The following ADAMTS2 variants were observed in gnomAD, a reference collection of about 807,000 sequenced individuals.
ADAMTS2 encodes ADAM metallopeptidase with thrombospondin type 1 motif 2.
Under a neutral mutation model 123.0 loss-of-function variants are expected in ADAMTS2, and 50 were observed. The ratio of observed to expected loss-of-function variants is 0.41; its 90% CI spans 0.32 to 0.51. ADAMTS2 has a LOEUF of 0.51. Ranked by LOEUF, ADAMTS2 falls within the 20% of genes least tolerant of loss-of-function variation. ADAMTS2 has a pLI of 0.35. For missense variants in ADAMTS2, 1,494 were observed against 1,705.2 expected, an observed-to-expected ratio of 0.88 and a Z score of 2.18; for synonymous variants, 678 against 695.4, an observed-to-expected ratio of 0.98 and a Z score of 0.39.
intron 4 of ADAMTS2, among the ~76,000 whole-genome samples, chr5:179,195,218 C>T (rs1459523847): frequency 2.6e-5 from 4 of 152,208 alleles, no homozygotes; most frequent in Admixed American, 2.6e-4. Flanking sequence ...TGACTGAGGA[C>T]AGCTCCCAAT....
At position 179,228,128 on chromosome 5, in the gene ADAMTS2, G is replaced by A. The variant is rs1247633044; in HGVS notation, c.689-20413C>T. Reference sequence around the variant, plus strand: ...GGACAGACACCCATGAGACACTCAGGCAGGAGTGGTCTGGAGCACAGAGAG... The same window carrying A: ...GGACAGACACCCATGAGACACTCAGACAGGAGTGGTCTGGAGCACAGAGAG... On this transcript the variant is annotated intron_variant, in intron 3 of 21. Coordinates refer to ENST00000251582, the MANE Select transcript of ADAMTS2 (RefSeq NM_014244.5). This position sits in a 1 kb window ranked among gnomAD's most constrained non-coding sequence, Gnocchi z 5.2. Among the ~76,000 whole-genome samples the A allele has an allele frequency of 6.6e-6, 1 of 152,208 alleles. No homozygotes were observed. The highest frequency in any genetic ancestry group is 1.9e-4 in the East Asian group (1 of 5,184).
At position 179,303,986 on chromosome 5, in the gene ADAMTS2, G is replaced by A. The variant is rs780330575; in HGVS notation, c.535-30922C>T. Among the ~76,000 whole-genome samples, 7 of 152,192 alleles carry A rather than the reference G, an allele frequency of 4.6e-5. No homozygotes were observed. The highest frequency in any genetic ancestry group is 1.3e-4 in the Admixed American group (2 of 15,284). The stretch of plus-strand genomic sequence containing the variant: ...AAACTCCTGGGCTCGTGCTTGAGCC[G>A]TGCACGAGTGGGTCTGACCCTAAAC... On this transcript the variant is annotated intron_variant, in intron 2 of 21. Transcript: ENST00000251582. The surrounding 1 kb of genome is among the most constrained non-coding windows in gnomAD (Gnocchi z 4.7).
intron 3 of ADAMTS2, among the ~76,000 whole-genome samples, chr5:179,223,961 A>G (rs1765208869): frequency 6.6e-6 from 1 of 152,230 alleles, no homozygotes; most frequent in African/African-American, 2.4e-5. Context: ...AAATGAATAA[A>G]TAAACGGGCC....
intron 20 of ADAMTS2, among the ~76,000 whole-genome samples, chr5:179,122,317 T>G (rs1275061965): frequency 9.8e-6 from 1 of 102,456 alleles, no homozygotes; most frequent in Non-Finnish European, 2.1e-5. Flanking sequence ...GAGCACACTC[T>G]CTACTCGCAC....
In ADAMTS2 at chr5:179,223,500, GCA is replaced by G. The variant is rs1465441300; in HGVS notation, c.689-15787_689-15786del. Among the ~76,000 whole-genome samples, 439 of 98,848 alleles carry G rather than the reference GCA, an allele frequency of 4.4e-3. 3 individuals carry two copies. Among genetic ancestry groups the G allele is most frequent in the African/African-American group, 0.011 (306 of 28,134 alleles). 64.8% of individuals were successfully genotyped at this position (98,848 alleles called of 152,430 possible). On this transcript the variant is annotated intron_variant, in intron 3 of 21. Coordinates refer to ENST00000251582, the MANE Select transcript of ADAMTS2 (RefSeq NM_014244.5). The stretch of plus-strand genomic sequence containing the variant: ...CACACAAATGGACTCACACTCACAT[GCA>G]CACTCATACGAATGCACTCACACAC...
At chr5:179,140,134 C>T in intron 10 of ADAMTS2, 99 bp from the exon 11 acceptor site, 1 of 1,574,910 alleles carries the variant, frequency 6.3e-7, no homozygotes, top group Non-Finnish European at 8.7e-7. Context: ...ACGTCCTGGC[C>T]CCACTCTGGG....
chr5:179,153,151 T>C (rs1015282739), intron 9 of ADAMTS2, among the ~76,000 whole-genome samples: 1 of 152,122 alleles, frequency 6.6e-6, no homozygotes, highest in African/African-American at 2.4e-5. Flanking sequence ...TGGCCCTCCC[T>C]TCCTGAATGC....
chr5:179,278,169 C>T (rs1383294841), intron 2 of ADAMTS2, among the ~76,000 whole-genome samples: 6 of 116,356 alleles, frequency 5.2e-5, no homozygotes, highest in Non-Finnish European at 1.1e-4. Flanking sequence ...GGCTGACCCC[C>T]CCGAGACCAA....
intron 2 of ADAMTS2, among the ~76,000 whole-genome samples, chr5:179,283,958 A>ATTATTATTG (rs1755920558): frequency 1.0e-5 from 1 of 97,270 alleles, no homozygotes; most frequent in Non-Finnish European, 2.1e-5. Context: ...TATTATTATT[A>ATTATTATTG]TTATTATTAT....
At chr5:179,327,944 A>G (rs4700799) in intron 2 of ADAMTS2, among the ~76,000 whole-genome samples, 41,208 of 152,244 alleles carry the variant, frequency 0.27, 6,288 homozygotes, top group East Asian at 0.51. Flanking sequence ...GGAAGTTCAT[A>G]AAAAGTCTAG....
At chr5:179,150,069 G>A (rs1432005419) in intron 10 of ADAMTS2, among the ~76,000 whole-genome samples, 1 of 152,162 alleles carries the variant, frequency 6.6e-6, no homozygotes, top group Non-Finnish European at 1.5e-5. Context: ...AAAGCAGGGG[G>A]CAATCAGCTG....
intron 4 of ADAMTS2, among the ~76,000 whole-genome samples, chr5:179,194,100 C>T (rs1444211085): frequency 6.6e-6 from 1 of 152,236 alleles, no homozygotes; most frequent in Non-Finnish European, 1.5e-5. Context: ...TGACAACCAT[C>T]AGTTCCCCGC....
chr5:179,120,434 C>T (rs1449400525), intron 21 of ADAMTS2: 2 of 152,380 alleles, frequency 1.3e-5, no homozygotes, highest in East Asian at 1.9e-4. Flanking sequence ...GCGTGTCGCT[C>T]GCATGGCCTC....
rs189806773 is a variant in ADAMTS2 at position 179,191,446 on chromosome 5, G to T, written c.892-10291C>A. 6.1e-3 allele frequency among the ~76,000 whole-genome samples: 926 copies of T among 152,260 alleles called. 5 individuals are homozygous for T. The highest frequency in any genetic ancestry group is 7.5e-3 in the Non-Finnish European group (513 of 68,022). On this transcript the variant is annotated intron_variant, in intron 4 of 21. Coordinates refer to ENST00000251582, the MANE Select transcript of ADAMTS2 (RefSeq NM_014244.5). The stretch of plus-strand genomic sequence containing the variant: ...TCCCGTGACTGAGCTCGGTCACCTG[G>T]GTCCGTTTGAGCACCACCATGTAAT...
chr5:179,215,678 T>C (rs1764965673), intron 3 of ADAMTS2, among the ~76,000 whole-genome samples: 3 of 152,114 alleles, frequency 2.0e-5, no homozygotes, highest in Admixed American at 6.5e-5. Context: ...TGGAAACAGA[T>C]GGGCAAGTGG....
chr5:179,340,157 C>T (rs922972961), intron 2 of ADAMTS2, among the ~76,000 whole-genome samples: 6 of 152,254 alleles, frequency 3.9e-5, no homozygotes, highest in Non-Finnish European at 8.8e-5. Flanking sequence ...GCATACACTT[C>T]CTCCTTTGGG....
rs1377677034 is a variant in ADAMTS2 at position 179,343,985 on chromosome 5, C to G, written c.316G>C (p.Gly106Arg). 4 of 1,612,564 alleles carry G rather than the reference C, an allele frequency of 2.5e-6. No individual in the cohort carries two copies. The highest frequency in any genetic ancestry group is 3.4e-6 in the Non-Finnish European group (4 of 1,179,876). ...GTGACATTGTAGAAGAGGTGACTGC[C>G]AGGCTCCTCCTCGTTGCCTCCGGGG... ...SFPGGNEEEP[G>R]SHLFYNVTVF... The change falls in exon 2 of 22, where the codon GGC becomes CGC. Residue 106 changes from glycine to arginine, a missense_variant. Gly to Arg is a moderately radical substitution (Grantham distance 125, BLOSUM62 -2). Around this residue, in one of 6 missense-constraint regions of ADAMTS2, gnomAD observed 237 missense variants for 233.7 expected, o/e 1.01. Transcript: ENST00000251582.
chr5:179,325,746 A>AG (rs1757295668), intron 2 of ADAMTS2, among the ~76,000 whole-genome samples: 1 of 152,246 alleles, frequency 6.6e-6, no homozygotes, highest in African/African-American at 2.4e-5. Flanking sequence ...ACCGTGCGGG[A>AG]GGCCTGGGCT....
At position 179,256,686 on chromosome 5, in the gene ADAMTS2, G is replaced by C. The variant is rs941417016; in HGVS notation, c.688+16225C>G. On this transcript the variant is annotated intron_variant, in intron 3 of 21. Transcript: ENST00000251582. This position sits in a 1 kb window ranked among gnomAD's most constrained non-coding sequence, Gnocchi z 4.1. ...CGGCAGGGAGGGAGGGGTTGTGTTCGCCCATCCAGAGGAGGCACAGAGCCT... is the reference window on the plus strand; with the variant it reads ...CGGCAGGGAGGGAGGGGTTGTGTTCCCCCATCCAGAGGAGGCACAGAGCCT... Among the ~76,000 whole-genome samples, 2 of 152,178 alleles carry C rather than the reference G, an allele frequency of 1.3e-5. No individual in the cohort carries two copies. The highest frequency in any genetic ancestry group is 6.5e-5 in the Admixed American group (1 of 15,282).
Sources: gnomAD v4.1 joint callset for allele counts (sites outside exome capture counted in the v4.1 genomes callset) on GRCh38, gnomAD v4.1.1 for gene constraint, gnomAD v4.1.1 regional missense constraint, Gnocchi (gnomAD v3.1) non-coding constraint, MANE v1.5 for transcripts, NCBI Gene and HGNC (gene_info 2026-07-23, HGNC 2026-07-21) for gene names.